Variants in C3AR1 observed in about 807,000 individuals in gnomAD.
C3AR1 encodes the protein complement C3a receptor 1.
For synonymous variants in C3AR1, 208 were observed against 225.3 expected (o/e 0.92, Z 0.69); for missense variants, 579 against 583.5 (o/e 0.99, Z 0.08).
chr12:8,059,497 T>A lies in C3AR1; in HGVS notation c.689A>T (p.Gln230Leu), dbSNP rs751394535. 9 of 1,614,162 alleles carry A rather than the reference T, an allele frequency of 5.6e-6. No individual in the cohort carries two copies. The highest frequency in any genetic ancestry group is 3.3e-5 in the Admixed American group (2 of 60,014). The change falls in exon 2 of 2, where the codon CAA becomes CTA. Residue 230 changes from glutamine (Q) to leucine (L), a missense_variant. Coordinates refer to ENST00000307637, the MANE Select transcript of C3AR1 (RefSeq NM_004054.4). The stretch of plus-strand genomic sequence containing the variant: ...AGAAGGTCTTTGAAATGTTTGAGGT[T>A]GGAAGACAGTGGGGACTGTCCAAGG... ...DHPWTVPTVF[Q>L]PQTFQRPSAD...
intron 1 of C3AR1, among the ~76,000 whole-genome samples, chr12:8,065,334 T>C (rs11057087): frequency 0.021 from 3,187 of 152,240 alleles, 115 homozygotes; most frequent in African/African-American, 0.073. Context: ...AATGAAAGTA[T>C]GTAGGAGTCA....
chr12:8,062,948 C>CT (rs1947290077), intron 1 of C3AR1, among the ~76,000 whole-genome samples: 3 of 116,280 alleles, frequency 2.6e-5, no homozygotes, highest in East Asian at 2.4e-4. Context: ...CGCGCCCGGC[C>CT]CTTTTTTTTT....
intron 1 of C3AR1, among the ~76,000 whole-genome samples, chr12:8,064,700 A>AAAAAAAAG (rs1294800749): frequency 6.6e-6 from 1 of 151,802 alleles, no homozygotes; most frequent in Admixed American, 6.6e-5. Flanking sequence ...AAAAAAAAAA[A>AAAAAAAAG]AAGAAGAAGA....
chr12:8,058,906 T>A lies in C3AR1; in HGVS notation c.1280A>T (p.Asn427Ile). 1 of 1,614,132 alleles carries A rather than the reference T, an allele frequency of 6.2e-7. No individual in the cohort carries two copies. Among genetic ancestry groups the A allele is most frequent in the South Asian group, 1.1e-5 (1 of 91,084 alleles). The change falls in exon 2 of 2, where the codon AAT becomes ATT. Residue 427 changes from asparagine (N) to isoleucine (I), a missense_variant. Coordinates refer to ENST00000307637, the MANE Select transcript of C3AR1 (RefSeq NM_004054.4). ...ATAAAGGAAGGGATTAAAGCAACTATTGGCAGATGCTAGAGCAATGCATAC... is the reference window on the plus strand; with the variant it reads ...ATAAAGGAAGGGATTAAAGCAACTAATGGCAGATGCTAGAGCAATGCATAC... ...DHVCIALASANSCFNPFLYAL... is the reference protein window; with the variant it reads ...DHVCIALASAISCFNPFLYAL...
Position 8,059,643 on chromosome 12 carries a change from T to A in C3AR1, c.543A>T (p.Ser181=). The part of the protein sequence containing the change: ...RCGYKFGLSS[S]LDYPDFYGDP... ...CTCCATAAAAGTCTGGATAATCTAA[T>A]GAGCTGGAGAGACCAAATTTGTAGC... Residue 181 remains serine (S), a synonymous_variant, in exon 2 of 2, where the codon TCA becomes TCT. Transcript: ENST00000307637. The A allele has an allele frequency of 6.2e-7, 1 of 1,614,162 alleles. No individual in the cohort carries two copies. Among genetic ancestry groups the A allele is most frequent in the Non-Finnish European group, 8.5e-7 (1 of 1,180,012 alleles).
intron 1 of C3AR1, among the ~76,000 whole-genome samples, chr12:8,061,200 C>A (rs919506271): frequency 6.6e-5 from 10 of 152,048 alleles, no homozygotes; most frequent in Admixed American, 2.0e-4. Context: ...ATGACCGTAA[C>A]TTGGGAAAAG....
At chr12:8,063,359 C>T (rs1436428572) in intron 1 of C3AR1, among the ~76,000 whole-genome samples, 1 of 152,136 alleles carries the variant, frequency 6.6e-6, no homozygotes, top group Non-Finnish European at 1.5e-5. Flanking sequence ...CAGTCACCTT[C>T]CACAATATGT....
intron 1 of C3AR1, among the ~76,000 whole-genome samples, chr12:8,065,738 C>G (rs1012543841): frequency 5.4e-5 from 8 of 149,040 alleles, no homozygotes; most frequent in African/African-American, 1.7e-4. Flanking sequence ...AAATACCATA[C>G]CTTTATGTGT....
rs1464780188 is a variant in C3AR1, at chr12:8,057,042, C to T, written c.*1695G>A. 6.6e-6 allele frequency among the ~76,000 whole-genome samples: 1 copy of T among 152,296 alleles called. No homozygotes were observed. Among genetic ancestry groups the T allele is most frequent in the East Asian group, 1.9e-4 (1 of 5,192 alleles). The stretch of plus-strand genomic sequence containing the variant: ...ATAAAAAATCTGTAGTCCAGACCCT[C>T]ACCTCAGCCATTGAACAGATAGTGT... On this transcript the variant is annotated 3_prime_UTR_variant, in exon 2 of 2. Transcript: ENST00000307637.
In C3AR1 at chr12:8,059,816, C is replaced by G; in HGVS notation, c.370G>C (p.Val124Leu). The G allele has an allele frequency of 6.2e-7, 1 of 1,614,124 alleles. No individual in the cohort carries two copies. Among genetic ancestry groups the G allele is most frequent in the African/African-American group, 1.3e-5 (1 of 75,026 alleles). ...TAISLDRCLV[V>L]FKPIWCQNHR... ...TTCTGACACCAGATTGGCTTGAATA[C>G]CACAAGACAGCGATCCAGGCTAATG... Residue 124 changes from valine (V) to leucine (L), a missense_variant, in exon 2 of 2, where the codon GTA becomes CTA. Physicochemically the swap from Val to Leu is conservative, Grantham distance 32. Transcript: ENST00000307637.
At chr12:8,061,174 T>C (rs1196798614) in intron 1 of C3AR1, among the ~76,000 whole-genome samples, 1 of 152,212 alleles carries the variant, frequency 6.6e-6, no homozygotes, top group Non-Finnish European at 1.5e-5. Context: ...ATTTCTTTCT[T>C]ATTTATTTGT....
chr12:8,063,810 G>A (rs1947301799), intron 1 of C3AR1, among the ~76,000 whole-genome samples: 1 of 152,124 alleles, frequency 6.6e-6, no homozygotes, highest in Admixed American at 6.5e-5. Flanking sequence ...AGTGGCTCAT[G>A]CCTGTAATCG....
chr12:8,065,598 G>A (rs1947323097), intron 1 of C3AR1, among the ~76,000 whole-genome samples: 1 of 147,362 alleles, frequency 6.8e-6, no homozygotes, highest in Non-Finnish European at 1.5e-5. Flanking sequence ...AGGTTGCAGT[G>A]AGCTGAGATC....
chr12:8,063,350 A>G (rs1275600222), intron 1 of C3AR1, among the ~76,000 whole-genome samples: 4 of 152,190 alleles, frequency 2.6e-5, no homozygotes, highest in Non-Finnish European at 5.9e-5. Context: ...TTTGTTTCTC[A>G]GTCACCTTCC....
At chr12:8,062,293 A>G (rs771008709) in intron 1 of C3AR1, among the ~76,000 whole-genome samples, 56 of 152,264 alleles carry the variant, frequency 3.7e-4, no homozygotes, top group Non-Finnish European at 6.9e-4. Context: ...CAGTCTCCAC[A>G]TTATACAATA....
chr12:8,059,309 G>A lies in C3AR1; in HGVS notation c.877C>T (p.His293Tyr), dbSNP rs760916858. The change falls in exon 2 of 2, where the codon CAT (histidine) becomes TAT (tyrosine). Residue 293 changes from histidine (H) to tyrosine (Y), a missense_variant. Coordinates refer to ENST00000307637, the MANE Select transcript of C3AR1 (RefSeq NM_004054.4). ...GAAGCGCTAGGGAACAGCTTTAAAT[G>A]AGTAGAGAGAAAAGCATCAGAGTTA... ...LDNSDAFLSTHLKLFPSASSN... is the reference protein window; with the variant it reads ...LDNSDAFLSTYLKLFPSASSN... The A allele has an allele frequency of 4.3e-6, 7 of 1,614,088 alleles. No individual in the cohort carries two copies. The highest frequency in any genetic ancestry group is 1.3e-5 in the African/African-American group (1 of 74,932).
chr12:8,061,650 C>T (rs1472520762), intron 1 of C3AR1, among the ~76,000 whole-genome samples: 1 of 152,012 alleles, frequency 6.6e-6, no homozygotes, highest in Non-Finnish European at 1.5e-5. Context: ...TTAGCAGAGA[C>T]AGGTTTTGCC....
intron 1 of C3AR1, among the ~76,000 whole-genome samples, chr12:8,064,796 AAT>A (rs1368159988): frequency 2.6e-5 from 4 of 152,186 alleles, no homozygotes; most frequent in African/African-American, 9.6e-5. Context: ...TTGAGAGAAG[AAT>A]AGAGTCATGG....
chr12:8,058,463 C>G lies in C3AR1; in HGVS notation c.*274G>C. 2.7e-6 allele frequency: 1 copy of G among 367,932 alleles called. No homozygotes were observed. The highest frequency in any genetic ancestry group is 4.9e-6 in the Non-Finnish European group (1 of 203,558). 22.8% of individuals were successfully genotyped at this position (367,932 alleles called of 1,614,324 possible). A position where few individuals can be genotyped will look rare whatever the true frequency, so the allele number is the denominator to read the frequency against. The stretch of plus-strand genomic sequence containing the variant: ...TGTTTACAATGATTCTTACATTTAG[C>G]ATTAATCAGAAACGAGGGTTTGTTA... On this transcript the variant is annotated 3_prime_UTR_variant, in exon 2 of 2. Transcript: ENST00000307637.
Sources: allele counts gnomAD v4.1 joint callset (sites outside exome capture counted in the v4.1 genomes callset), GRCh38; gene constraint gnomAD v4.1.1; transcripts MANE v1.5; gene names NCBI Gene and HGNC (gene_info 2026-07-23, HGNC 2026-07-21).